PXDNL: variants seen among roughly 807,000 people sequenced by gnomAD.
PXDNL encodes probable oxidoreductase PXDNL.
A neutral mutation model predicts 150.8 loss-of-function variants in PXDNL; 145 were observed. That is an observed-to-expected ratio of 0.96 (90% CI 0.84 to 1.10). PXDNL has a LOEUF of 1.10. Among genes scored for constraint, PXDNL ranks in the 50% least tolerant of loss-of-function variants. PXDNL has a pLI of 0.00. For missense variants in PXDNL, 2,087 were observed against 1,873.9 expected (o/e 1.11, Z -2.10); for synonymous variants, 757 against 725.7 (o/e 1.04, Z -0.69).
At chr8:51,742,114 G>C (rs1040100799) in intron 1 of PXDNL, among the ~76,000 whole-genome samples, 3 of 152,174 alleles carry the variant, frequency 2.0e-5, no homozygotes, top group Admixed American at 2.0e-4. Context: ...GATCTCAAGG[G>C]AATGACACTG....
chr8:51,771,800 T>C (rs1245442225), intron 1 of PXDNL, among the ~76,000 whole-genome samples: 2 of 152,192 alleles, frequency 1.3e-5, no homozygotes, highest in Non-Finnish European at 2.9e-5. Flanking sequence ...ATGAAGTTTC[T>C]GGACCAGGCG....
chr8:51,691,684 A>G (rs925595546), intron 1 of PXDNL, among the ~76,000 whole-genome samples: 1 of 152,172 alleles, frequency 6.6e-6, no homozygotes, highest in Non-Finnish European at 1.5e-5. Context: ...TAATAGTACC[A>G]CTAAACAATG....
At chr8:51,551,086 C>CAAACAAACAAACAAAA (rs147950502) in intron 4 of PXDNL, among the ~76,000 whole-genome samples, 3,371 of 151,764 alleles carry the variant, frequency 0.022, 57 homozygotes, top group African/African-American at 0.047. Context: ...AACAAACAAA[C>CAAACAAACAAACAAAA]AAACAAACAA....
intron 2 of PXDNL, among the ~76,000 whole-genome samples, chr8:51,643,750 A>G (rs1215171753): frequency 6.6e-6 from 1 of 152,250 alleles, no homozygotes; most frequent in Non-Finnish European, 1.5e-5. Flanking sequence ...GTCAGAGTGA[A>G]CAGGCAACCT....
rs193167129 is a variant in PXDNL, at chr8:51,595,383, A to C, written c.237-2685T>G. Among the ~76,000 whole-genome samples, 302 of 152,236 alleles carry C rather than the reference A, an allele frequency of 2.0e-3. 1 individual carries two copies. Among genetic ancestry groups the C allele is most frequent in the Non-Finnish European group, 3.0e-3 (207 of 68,010 alleles). On this transcript the variant is annotated intron_variant, in intron 2 of 22. Coordinates refer to ENST00000356297, the MANE Select transcript of PXDNL (RefSeq NM_144651.5). Reference sequence around the variant, plus strand: ...TCATCAAAGTGTAAAATAAAAAATAAAAATAATAAAATTTATAAAGAAAAA... The same window carrying C: ...TCATCAAAGTGTAAAATAAAAAATACAAATAATAAAATTTATAAAGAAAAA...
Position 51,420,232 on chromosome 8 carries a change from T to C in PXDNL, c.1795+3343A>G, listed in dbSNP as rs559887838. 2.0e-5 allele frequency among the ~76,000 whole-genome samples: 3 copies of C among 152,350 alleles called. No individual in the cohort carries two copies. In the South Asian group the frequency reaches 6.2e-4, roughly 32 times the overall value. ...CAATAACTAAGTGGGGGCATCAAGA[T>C]TGGAAAATCCTCCTGTAAGGTATGA... On this transcript the variant is annotated intron_variant, in intron 14 of 22. Coordinates refer to ENST00000356297, the MANE Select transcript of PXDNL (RefSeq NM_144651.5).
At chr8:51,649,692 ATTTC>A (rs1397471555) in intron 2 of PXDNL, among the ~76,000 whole-genome samples, 2 of 152,018 alleles carry the variant, frequency 1.3e-5, no homozygotes, top group Non-Finnish European at 2.9e-5. Flanking sequence ...CATTAATGCT[ATTTC>A]TTTCTTTTTA....
At position 51,378,372 on chromosome 8, in the gene PXDNL, C is replaced by T. The variant is rs993322431; in HGVS notation, c.3558-3641G>A. ...GTTTGTAAATGCACCAGTCACTGCT[C>T]TGTCTAGCTAATCTAGTGAGGACTT... is the stretch of plus-strand genomic sequence containing the variant. On this transcript the variant is annotated intron_variant, in intron 17 of 22. Coordinates refer to ENST00000356297, the MANE Select transcript of PXDNL (RefSeq NM_144651.5). Among the ~76,000 whole-genome samples the T allele has an allele frequency of 9.4e-4, 143 of 152,172 alleles. 8 individuals carry two copies. Among genetic ancestry groups the T allele is most frequent in the Non-Finnish European group, 4.4e-5 (3 of 68,038 alleles).
chr8:51,444,913 A>ATTT lies in PXDNL; in HGVS notation c.1525+2088_1525+2090dup, dbSNP rs397730480. ...TTAGGTTAACAAATATTATTTTTCT[A>ATTT]TTTTTTTTTTCAACATGGAGTCTTG... On this transcript the variant is annotated intron_variant, in intron 12 of 22. Transcript: ENST00000356297. 6.7e-5 allele frequency among the ~76,000 whole-genome samples: 10 copies of ATTT among 148,534 alleles called. 1 individual carries two copies. Among genetic ancestry groups the ATTT allele is most frequent in the South Asian group, 4.3e-4 (2 of 4,682 alleles).
intron 14 of PXDNL, 109 bp downstream of exon 14, chr8:51,423,466 A>T: frequency 1.3e-6 from 1 of 787,976 alleles, no homozygotes. Context: ...ACTTGACCAG[A>T]AAGAAAGTAT....
intron 9 of PXDNL, among the ~76,000 whole-genome samples, chr8:51,455,223 T>C (rs1809913244): frequency 6.7e-6 from 1 of 149,896 alleles, no homozygotes; most frequent in Middle Eastern, 3.2e-3. Flanking sequence ...GAAAAGGAGA[T>C]AATCTGATGC....
Position 51,614,007 on chromosome 8 carries a change from T to C in PXDNL, c.237-21309A>G, listed in dbSNP as rs1814077625. 2.6e-5 allele frequency among the ~76,000 whole-genome samples: 4 copies of C among 152,344 alleles called. No homozygotes were observed. The South Asian group carries it at 8.3e-4, about 32-fold the overall frequency. On this transcript the variant is annotated intron_variant, in intron 2 of 22. Coordinates refer to ENST00000356297, the MANE Select transcript of PXDNL (RefSeq NM_144651.5). ...CAGCAGGAAGTGATTCTGCACTGCT[T>C]GTCGCATTAGCCTCCCTCCCACCTG...
chr8:51,684,588 A>C (rs1228451876), intron 1 of PXDNL, among the ~76,000 whole-genome samples: 2 of 152,180 alleles, frequency 1.3e-5, no homozygotes, highest in East Asian at 1.9e-4. Context: ...AATTTTGGAG[A>C]TATGATTAAG....
rs116113141 is a variant in PXDNL at position 51,320,568 on chromosome 8, C to T, written c.4260+216G>A. 3.7e-3 allele frequency among the ~76,000 whole-genome samples: 560 copies of T among 152,276 alleles called. 3 individuals carry two copies. Among genetic ancestry groups the T allele is most frequent in the African/African-American group, 0.013 (527 of 41,544 alleles). The stretch of plus-strand genomic sequence containing the variant: ...TCCATCAGTGAACATGGAAAAAGCT[C>T]GTGGTCTCTAGCGACTGCTCATTAG... On this transcript the variant is annotated intron_variant, in intron 22 of 22. Transcript: ENST00000356297.
Position 51,381,034 on chromosome 8 carries a change from GC to G in PXDNL, c.3558-6304del, listed in dbSNP as rs1306342243. ...ATGGCATTCAACTTGAGTTTTCAAT[GC>G]TTTGTTTATAATTTTTATATACATT... On this transcript the variant is annotated intron_variant, in intron 17 of 22. Transcript: ENST00000356297. 3.3e-5 allele frequency among the ~76,000 whole-genome samples: 5 copies of G among 152,146 alleles called. No individual in the cohort carries two copies. In the East Asian group the frequency reaches 5.8e-4, roughly 18 times the overall value.
At chr8:51,441,769 G>A (rs1355888954) in intron 12 of PXDNL, among the ~76,000 whole-genome samples, 1 of 152,170 alleles carries the variant, frequency 6.6e-6, no homozygotes. Context: ...CTGTAGGACT[G>A]TCCATTGAAT....
At chr8:51,481,439 T>C (rs1425715638) in intron 6 of PXDNL, among the ~76,000 whole-genome samples, 1 of 152,168 alleles carries the variant, frequency 6.6e-6, no homozygotes, top group African/African-American at 2.4e-5. Context: ...AGCCTCATGA[T>C]GCAGTAGAAA....
At chr8:51,481,406 G>A (rs1420129951) in intron 6 of PXDNL, among the ~76,000 whole-genome samples, 1 of 152,134 alleles carries the variant, frequency 6.6e-6, no homozygotes, top group Non-Finnish European at 1.5e-5. Context: ...AGGTGACGAG[G>A]CATAAAAATT....
intron 14 of PXDNL, among the ~76,000 whole-genome samples, chr8:51,414,409 C>G (rs1808738843): frequency 6.6e-6 from 1 of 150,884 alleles, no homozygotes; most frequent in South Asian, 2.1e-4. Context: ...AAAAAAAATA[C>G]CAATGGTATG....
Sources: allele counts gnomAD v4.1 joint callset (sites outside exome capture counted in the v4.1 genomes callset), GRCh38; gene constraint gnomAD v4.1.1; transcripts MANE v1.5; gene names NCBI Gene and HGNC (gene_info 2026-07-23, HGNC 2026-07-21).